The following IL1RAPL1 variants were observed in gnomAD, a reference collection of about 807,000 sequenced individuals.
IL1RAPL1 encodes the protein interleukin-1 receptor accessory protein-like 1.
Under a neutral mutation model 48.4 loss-of-function variants are expected in IL1RAPL1, and 3 were observed. The observed-to-expected ratio is 0.06, with a 90% confidence interval of 0.03 to 0.16. IL1RAPL1 has a LOEUF of 0.16. IL1RAPL1 is among the 10% of genes least tolerant of loss of function. The pLI, the probability that IL1RAPL1 is intolerant of heterozygous loss-of-function variation, is 1.00. For synonymous variants in IL1RAPL1, 185 were observed against 187.7 expected, an observed-to-expected ratio of 0.99 and a Z score of 0.12; for missense variants, 349 against 530.6, an observed-to-expected ratio of 0.66 and a Z score of 3.36.
chrX:29,005,663 G>A (rs182839190), intron 2 of IL1RAPL1, among the ~76,000 whole-genome samples: 1 of 111,556 alleles, frequency 9.0e-6, no homozygotes, highest in Non-Finnish European at 1.9e-5. Flanking sequence ...GTCTGTGTTT[G>A]CGAGTAAAGA....
chrX:29,802,894 C>CAT (rs777394622), intron 6 of IL1RAPL1, among the ~76,000 whole-genome samples: 9 of 67,562 alleles, frequency 1.3e-4, no homozygotes, highest in Non-Finnish European at 2.4e-4. Context: ...TATATGTATA[C>CAT]ATATATATGT....
intron 6 of IL1RAPL1, among the ~76,000 whole-genome samples, chrX:29,718,164 G>A (rs1214804573): frequency 9.0e-6 from 1 of 111,477 alleles, no homozygotes; most frequent in African/African-American, 3.3e-5. Context: ...TATGTTGTTT[G>A]TTGAGGGAGT....
chrX:28,720,002 T>C (rs1333902418), intron 1 of IL1RAPL1, among the ~76,000 whole-genome samples: 1 of 111,083 alleles, frequency 9.0e-6, no homozygotes, highest in Admixed American at 9.7e-5. Context: ...ACTTGGAAAA[T>C]ATGATGTAAA....
At chrX:29,733,277 T>C (rs945316136) in intron 6 of IL1RAPL1, among the ~76,000 whole-genome samples, 1 of 112,193 alleles carries the variant, frequency 8.9e-6, no homozygotes, top group African/African-American at 3.2e-5. Context: ...TTCCCTCCTA[T>C]CTGACTGCAA....
chrX:29,149,044 A>G (rs753277304), intron 2 of IL1RAPL1, among the ~76,000 whole-genome samples: 4 of 110,721 alleles, frequency 3.6e-5, no homozygotes, highest in South Asian at 7.7e-4. Context: ...CAAATAATCT[A>G]TTTAGACCAG....
chrX:28,954,976 A>G (rs1924565461), intron 2 of IL1RAPL1, among the ~76,000 whole-genome samples: 3 of 112,104 alleles, frequency 2.7e-5, no homozygotes, highest in Admixed American at 1.9e-4. Context: ...TGCTACACGT[A>G]AACAGTAATG....
intron 1 of IL1RAPL1, among the ~76,000 whole-genome samples, chrX:28,776,650 A>G (rs764133111): frequency 8.9e-6 from 1 of 111,917 alleles, no homozygotes; most frequent in African/African-American, 3.2e-5. Context: ...ATTATTGACT[A>G]TTTAAATTAT....
At chrX:29,210,100 GT>G (rs1159325790) in intron 2 of IL1RAPL1, among the ~76,000 whole-genome samples, 2 of 112,079 alleles carry the variant, frequency 1.8e-5, no homozygotes, top group African/African-American at 3.2e-5. Context: ...TTTAATTTGT[GT>G]TTTTAGAGCT....
chrX:29,582,684 G>A (rs372655045), intron 5 of IL1RAPL1, among the ~76,000 whole-genome samples: 1 of 50,740 alleles, frequency 2.0e-5, no homozygotes, highest in Admixed American at 2.7e-4. Context: ...GAGAATGATG[G>A]TTTCCAATTT....
chrX:29,138,776 A>T (rs1490352152), intron 2 of IL1RAPL1, among the ~76,000 whole-genome samples: 1 of 68,876 alleles, frequency 1.5e-5, no homozygotes. Context: ...GACTCCATCT[A>T]AAAAAAAAAA....
intron 2 of IL1RAPL1, among the ~76,000 whole-genome samples, chrX:28,938,813 A>G (rs1209120138): frequency 2.7e-5 from 3 of 110,996 alleles, no homozygotes; most frequent in Non-Finnish European, 3.8e-5. Flanking sequence ...TCTATGAGGA[A>G]CTTAAAAAAA....
At chrX:28,960,844 TA>T (rs1179225838) in intron 2 of IL1RAPL1, among the ~76,000 whole-genome samples, 1 of 107,961 alleles carries the variant, frequency 9.3e-6, no homozygotes, top group Non-Finnish European at 1.9e-5. Flanking sequence ...CCGTCTCTAC[TA>T]AAAAAATACA....
chrX:29,829,457 T>A (rs1468543075), intron 6 of IL1RAPL1, among the ~76,000 whole-genome samples: 1 of 68,359 alleles, frequency 1.5e-5, no homozygotes, highest in Non-Finnish European at 4.2e-5. Flanking sequence ...GTTACAATAA[T>A]CTGTACAAGA....
intron 6 of IL1RAPL1, among the ~76,000 whole-genome samples, chrX:29,691,070 C>T (rs1029031223): frequency 1.8e-5 from 2 of 111,175 alleles, no homozygotes; most frequent in Non-Finnish European, 3.8e-5. Flanking sequence ...CAAACCCATA[C>T]TTGGCATTTA....
intron 6 of IL1RAPL1, among the ~76,000 whole-genome samples, chrX:29,896,612 A>G (rs771765632): frequency 8.9e-6 from 1 of 112,789 alleles, no homozygotes; most frequent in East Asian, 2.8e-4. Flanking sequence ...ACAGGCAGGC[A>G]GTCAGGTGGG....
chrX:29,704,436 A>C (rs1309069606), intron 6 of IL1RAPL1, among the ~76,000 whole-genome samples: 1 of 111,460 alleles, frequency 9.0e-6, no homozygotes, highest in Non-Finnish European at 1.9e-5. Flanking sequence ...TGGGAGGCTG[A>C]GTCAGGCAGA....
In IL1RAPL1 at chrX:29,409,820, C is replaced by CTT. The variant is rs34018303; in HGVS notation, c.703+10530_703+10531dup. 6.4e-3 allele frequency among the ~76,000 whole-genome samples: 504 copies of CTT among 79,285 alleles called. 11 individuals carry two copies. Among genetic ancestry groups the CTT allele is most frequent in the African/African-American group, 0.012 (264 of 22,362 alleles). 68.8% of individuals were successfully genotyped at this position (79,285 alleles called of 115,157 possible). A position where few individuals can be genotyped will look rare whatever the true frequency, so the allele number is the denominator to read the frequency against. The stretch of plus-strand genomic sequence containing the variant: ...CGTGTGCCAGGATCTGTTCTAAATT[C>CTT]TTTTTTTTTTTTTTTTTTTGAGATG... On this transcript the variant is annotated intron_variant, in intron 5 of 10. Coordinates refer to ENST00000378993, the MANE Select transcript of IL1RAPL1 (RefSeq NM_014271.4).
chrX:29,492,942 T>C lies in IL1RAPL1; in HGVS notation c.703+93634T>C, dbSNP rs764704010. Reference sequence around the variant, plus strand: ...GCATTATAGACATTGCCTGTTAATGTTGAAGCAAGCTTGAACAGAGCCACG... The same window carrying C: ...GCATTATAGACATTGCCTGTTAATGCTGAAGCAAGCTTGAACAGAGCCACG... On this transcript the variant is annotated intron_variant, in intron 5 of 10. Transcript: ENST00000378993. 1.1e-3 allele frequency among the ~76,000 whole-genome samples: 119 copies of C among 111,880 alleles called. 1 individual carries two copies. The highest frequency in any genetic ancestry group is 4.6e-3 in the Middle Eastern group (1 of 216).
chrX:29,246,150 CTTTTTTTT>C (rs761809643), intron 2 of IL1RAPL1, among the ~76,000 whole-genome samples: 2 of 52,031 alleles, frequency 3.8e-5, no homozygotes, highest in Non-Finnish European at 6.9e-5. Flanking sequence ...TCTCATCGCT[CTTTTTTTT>C]TTTTTTTTTT....
Sources: allele counts gnomAD v4.1 joint callset (sites outside exome capture counted in the v4.1 genomes callset), GRCh38; gene constraint gnomAD v4.1.1; transcripts MANE v1.5; gene names NCBI Gene and HGNC (gene_info 2026-07-23, HGNC 2026-07-21).